Variants in RASGEF1B observed in about 807,000 individuals in gnomAD.
RASGEF1B encodes the protein ras-GEF domain-containing family member 1B.
In RASGEF1B, 30 loss-of-function variants were observed where a neutral mutation model predicts 65.7. The ratio of observed to expected loss-of-function variants is 0.46; its 90% CI spans 0.34 to 0.62. The LOEUF (loss-of-function observed/expected upper bound fraction) is 0.62, where lower values mean the gene tolerates loss of function less well. Among genes scored for constraint, RASGEF1B ranks in the 20% least tolerant of loss-of-function variants. RASGEF1B has a pLI of 0.01. For synonymous variants in RASGEF1B, 175 were observed against 194.8 expected (o/e 0.90, Z 0.85); for missense variants, 495 against 580.1 (o/e 0.85, Z 1.51).
At chr4:81,456,395 A>G (rs1722440565) in intron 4 of RASGEF1B, 1 of 614,704 alleles carries the variant, frequency 1.6e-6, no homozygotes. Context: ...TACTTGCAAC[A>G]TAAATCCTGT....
At chr4:81,429,578 C>T (rs916552179) in intron 13 of RASGEF1B, among the ~76,000 whole-genome samples, 10 of 152,176 alleles carry the variant, frequency 6.6e-5, no homozygotes, top group Non-Finnish European at 1.5e-4. Flanking sequence ...TGGCCCACCA[C>T]GCCCCCATCT....
intron 1 of RASGEF1B, among the ~76,000 whole-genome samples, chr4:81,466,853 C>T (rs1170707991): frequency 1.4e-5 from 2 of 143,414 alleles, no homozygotes; most frequent in African/African-American, 2.6e-5. Flanking sequence ...CCATTTCTGT[C>T]CTCAGTCAGA....
In RASGEF1B at chr4:81,459,499, T is replaced by C. The variant is rs1354726807; in HGVS notation, c.10A>G (p.Thr4Ala). 9 of 1,586,270 alleles carry C rather than the reference T, an allele frequency of 5.7e-6. No individual in the cohort carries two copies. Among genetic ancestry groups the C allele is most frequent in the Non-Finnish European group, 6.8e-6 (8 of 1,170,504 alleles). MPQTPPFSAMFDSS... is the reference protein window; with the variant it reads MPQAPPFSAMFDSS... Reference sequence around the variant, plus strand: ...TCAAACATTGCTGAAAAGGGAGGAGTCTGAGGCATACTTTCCTAAAAGGAA... The same window carrying C: ...TCAAACATTGCTGAAAAGGGAGGAGCCTGAGGCATACTTTCCTAAAAGGAA... Residue 4 changes from threonine to alanine, a missense_variant, in exon 2 of 14, where the codon ACT becomes GCT. Coordinates refer to ENST00000264400, the MANE Select transcript of RASGEF1B (RefSeq NM_152545.3).
At chr4:81,465,316 G>A (rs12498709) in intron 1 of RASGEF1B, among the ~76,000 whole-genome samples, 8,802 of 152,214 alleles carry the variant, frequency 0.058, 397 homozygotes, top group Admixed American at 0.14. Context: ...TGAAACAGGC[G>A]AAAAGAAAGT....
chr4:81,432,453 G>A, intron 12 of RASGEF1B, 82 bp from the exon 13 acceptor site: 1 of 834,502 alleles, frequency 1.2e-6, no homozygotes, highest in Non-Finnish European at 2.0e-6. Context: ...TTCGACTTGA[G>A]CCAAACTCCA....
rs544419523 is a variant in RASGEF1B, at chr4:81,430,279, C to T, written c.1397+2020G>A. ...TCCTCCCACTGCACTCCAGCCTGGG[C>T]GACAGAGAGAGACTTCGTCTCAAAC... On this transcript the variant is annotated intron_variant, in intron 13 of 13. Transcript: ENST00000264400. Among the ~76,000 whole-genome samples the T allele has an allele frequency of 7.2e-5, 11 of 152,282 alleles. No homozygotes were observed. In the East Asian group the frequency reaches 1.9e-3, roughly 27 times the overall value.
At chr4:81,430,440 C>A (rs980459959) in intron 13 of RASGEF1B, among the ~76,000 whole-genome samples, 1 of 152,180 alleles carries the variant, frequency 6.6e-6, no homozygotes, top group Admixed American at 6.5e-5. Flanking sequence ...CTAATTGAGC[C>A]GGTTAACGCA....
Position 81,440,843 on chromosome 4 carries a change from A to G in RASGEF1B, c.1095T>C (p.Ser365=). 6.2e-7 allele frequency: 1 copy of G among 1,603,324 alleles called. No homozygotes were observed. Among genetic ancestry groups the G allele is most frequent in the South Asian group, 1.1e-5 (1 of 90,190 alleles). ...AAQRSLTAHS[S]REKIVIPFFS... ...TTCTTTAAGTGCATACCTTTTCTCT[A>G]CTACTATGAGCAGTTAAAGACCTTT... Residue 365 remains serine (S), a synonymous_variant, in exon 10 of 14, where the codon AGT becomes AGC. Transcript: ENST00000264400.
At chr4:81,469,706 G>A (rs1308432293) in intron 1 of RASGEF1B, among the ~76,000 whole-genome samples, 1 of 151,898 alleles carries the variant, frequency 6.6e-6, no homozygotes, top group Non-Finnish European at 1.5e-5. Context: ...AAGCTGTAGG[G>A]GGTTAGCGGG....
At position 81,427,455 on chromosome 4, in the gene RASGEF1B, C is replaced by G. The variant is rs979511790; in HGVS notation, c.*313G>C. On this transcript the variant is annotated 3_prime_UTR_variant, in exon 14 of 14. Coordinates refer to ENST00000264400, the MANE Select transcript of RASGEF1B (RefSeq NM_152545.3). ...CACACACACAAAAGAAAACTCCATC[C>G]AGGTGCAGAGCTGTGATTCACATGG... 6 of 340,494 alleles carry G rather than the reference C, an allele frequency of 1.8e-5. No individual in the cohort carries two copies. The Admixed American group carries it at 1.9e-4, about 11-fold the overall frequency. 21.1% of individuals were successfully genotyped at this position (340,494 alleles called of 1,614,324 possible).
In RASGEF1B at chr4:81,445,535, C is replaced by T; in HGVS notation, c.919G>A (p.Ala307Thr). 1 of 1,602,692 alleles carries T rather than the reference C, an allele frequency of 6.2e-7. No homozygotes were observed. The highest frequency in any genetic ancestry group is 8.5e-7 in the Non-Finnish European group (1 of 1,169,758). The change falls in exon 8 of 14, where the codon GCG becomes ACG. Residue 307 changes from alanine to threonine, a missense_variant. Physicochemically the swap from Ala to Thr is moderately conservative, Grantham distance 58. Coordinates refer to ENST00000264400, the MANE Select transcript of RASGEF1B (RefSeq NM_152545.3). ...FNIGNFNSLM[A>T]IISGMNMSPV... ...TCCACAAAATACTCACAGATTATCGCCATCAAGGAGTTGAAGTTGCCAATG... is the reference window on the plus strand; with the variant it reads ...TCCACAAAATACTCACAGATTATCGTCATCAAGGAGTTGAAGTTGCCAATG...
intron 1 of RASGEF1B, among the ~76,000 whole-genome samples, chr4:81,460,828 C>T (rs1722616981): frequency 6.6e-6 from 1 of 152,184 alleles, no homozygotes; most frequent in Admixed American, 6.5e-5. Context: ...GTCCCCTCCA[C>T]AAACCAGTGT....
chr4:81,471,437 A>T (rs1331185101), intron 1 of RASGEF1B, among the ~76,000 whole-genome samples: 1 of 152,206 alleles, frequency 6.6e-6, no homozygotes, highest in Non-Finnish European at 1.5e-5. Context: ...AACCCAACCC[A>T]ACCCAAGCCT....
intron 11 of RASGEF1B, 32 bp from the exon 12 acceptor site, chr4:81,433,995 T>C: frequency 6.3e-7 from 1 of 1,580,658 alleles, no homozygotes; most frequent in African/African-American, 1.4e-5. Context: ...AATATAAAGG[T>C]GATCATAAAA....
chr4:81,449,943 C>T (rs1031142377), intron 4 of RASGEF1B, among the ~76,000 whole-genome samples: 2 of 152,300 alleles, frequency 1.3e-5, no homozygotes. Context: ...GTTCTTTAAA[C>T]TGGTCCATTA....
intron 11 of RASGEF1B, 112 bp from the exon 12 acceptor site, chr4:81,434,075 G>A: frequency 1.1e-6 from 1 of 929,192 alleles, no homozygotes; most frequent in Non-Finnish European, 1.6e-6. Context: ...AAGGAGACAG[G>A]GTTTCACTCT....
At chr4:81,471,502 C>T (rs573051585) in intron 1 of RASGEF1B, among the ~76,000 whole-genome samples, 2 of 152,276 alleles carry the variant, frequency 1.3e-5, no homozygotes, top group South Asian at 4.2e-4. Context: ...CCGCGGCAGT[C>T]CCAGGTACCC....
At chr4:81,470,698 C>T (rs1722991236) in intron 1 of RASGEF1B, among the ~76,000 whole-genome samples, 1 of 152,126 alleles carries the variant, frequency 6.6e-6, no homozygotes, top group Non-Finnish European at 1.5e-5. Context: ...CCATATCCAC[C>T]GAATTCATCA....
At chr4:81,449,991 T>C (rs1239891235) in intron 4 of RASGEF1B, among the ~76,000 whole-genome samples, 1 of 152,188 alleles carries the variant, frequency 6.6e-6, no homozygotes, top group Non-Finnish European at 1.5e-5. Flanking sequence ...TGGATCACCC[T>C]AAAATCACTA....
Sources: gnomAD v4.1 joint callset for allele counts (sites outside exome capture counted in the v4.1 genomes callset) on GRCh38, gnomAD v4.1.1 for gene constraint, MANE v1.5 for transcripts, NCBI Gene and HGNC (gene_info 2026-07-23, HGNC 2026-07-21) for gene names.